MFSD11: variants seen among roughly 807,000 people sequenced by gnomAD.
The protein encoded by MFSD11 is UNC93-like protein MFSD11.
Under a neutral mutation model 53.5 loss-of-function variants are expected in MFSD11, and 36 were observed. The observed-to-expected ratio is 0.67, with a 90% CI of 0.52 to 0.89. The LOEUF (loss-of-function observed/expected upper bound fraction) is 0.89, where lower values mean the gene tolerates loss of function less well. MFSD11 is among the 40% of genes least tolerant of loss of function. The pLI is 0.00. For missense variants in MFSD11, 530 were observed against 543.9 expected (o/e 0.97, Z 0.25); for synonymous variants, 186 against 184.9 (o/e 1.01, Z -0.05).
chr17:76,744,261 G>A (rs371871709), intron 6 of MFSD11, 61 bp from the exon 7 acceptor site: 207 of 1,521,302 alleles, frequency 1.4e-4, no homozygotes, highest in African/African-American at 5.6e-4. Flanking sequence ...CCCTTGTACC[G>A]TGATACTAAT....
At chr17:76,744,171 A>G (rs1261814320) in intron 6 of MFSD11, 151 bp from the exon 7 acceptor site, 1 of 637,116 alleles carries the variant, frequency 1.6e-6, no homozygotes, top group Non-Finnish European at 2.5e-6. Context: ...AAGGTATCCT[A>G]TTTGTCTCCT....
At chr17:76,767,361 T>C (rs1315374184) in intron 8 of MFSD11, 25 bp from the exon 9 acceptor site, 1 of 1,413,234 alleles carries the variant, frequency 7.1e-7, no homozygotes, top group East Asian at 2.3e-5. Flanking sequence ...TCTAATTAAG[T>C]ACTCTTAAAT....
At chr17:76,763,503 A>T (rs1488920511) in intron 8 of MFSD11, among the ~76,000 whole-genome samples, 1 of 151,918 alleles carries the variant, frequency 6.6e-6, no homozygotes, top group Non-Finnish European at 1.5e-5. Flanking sequence ...ATCTCAAGTG[A>T]TCCACCCGCC....
rs374039616 is a variant in MFSD11, at chr17:76,738,335, C to A, written c.-18C>A. The A allele has an allele frequency of 6.3e-7, 1 of 1,590,934 alleles. No individual in the cohort carries two copies. ...GCTGACTGCCCTGGGCTGCTGCCTC[C>A]GGCAGAGCTGAGCCAAAATGTCCCC... is the stretch of plus-strand genomic sequence containing the variant. On this transcript the variant is annotated 5_prime_UTR_variant, in exon 1 of 13. Transcript: ENST00000685175.
chr17:76,786,076 A>C (rs2082270212), downstream of MFSD11, among the ~76,000 whole-genome samples: 1 of 121,744 alleles, frequency 8.2e-6, no homozygotes, highest in African/African-American at 5.5e-5. Context: ...CTCCATCTCA[A>C]AAAAAAAAAA....
intron 8 of MFSD11, among the ~76,000 whole-genome samples, chr17:76,756,071 G>A (rs1160464836): frequency 6.7e-6 from 1 of 149,736 alleles, no homozygotes; most frequent in Non-Finnish European, 1.5e-5. Context: ...TGATCCACCC[G>A]CCTTGGCCTC....
intron 9 of MFSD11, 25 bp from the exon 10 acceptor site, chr17:76,769,721 A>G (rs2081217837): frequency 6.4e-7 from 1 of 1,555,148 alleles, no homozygotes; most frequent in African/African-American, 1.4e-5. Context: ...TATAAATGAC[A>G]TCTGTTTTTT....
intron 9 of MFSD11, chr17:76,769,077 G>A (rs1299402632): frequency 1.3e-5 from 2 of 151,842 alleles, no homozygotes; most frequent in South Asian, 2.1e-4. Flanking sequence ...ACAAAGTTAT[G>A]TTAATTATCA....
chr17:76,744,109 G>A (rs185919814), intron 6 of MFSD11, among the ~76,000 whole-genome samples: 136 of 152,280 alleles, frequency 8.9e-4, no homozygotes, highest in Non-Finnish European at 1.7e-3. Flanking sequence ...TTAAGCCCTT[G>A]TGCTGTTTTT....
chr17:76,774,964 C>T (rs2081682176), intron 10 of MFSD11, 33 bp from the exon 11 acceptor site: 1 of 1,601,066 alleles, frequency 6.2e-7, no homozygotes. Context: ...GTTTCGGCAA[C>T]ATTAGTGACG....
chr17:76,737,017 G>A (rs237057), upstream of MFSD11: 1,463,153 of 1,613,358 alleles, frequency 0.91, 670,295 homozygotes, highest in Non-Finnish European at 0.93. Context: ...TGGTGTAGCG[G>A]TCCCGCGGGA....
intron 8 of MFSD11, among the ~76,000 whole-genome samples, chr17:76,757,118 G>C (rs2079730373): frequency 6.6e-6 from 1 of 152,118 alleles, no homozygotes; most frequent in Non-Finnish European, 1.5e-5. Context: ...TGGTGAAGCT[G>C]CTCCATCATA....
chr17:76,743,513 A>G, intron 6 of MFSD11, 57 bp downstream of exon 6: 3 of 1,081,694 alleles, frequency 2.8e-6, no homozygotes, highest in Middle Eastern at 2.1e-4. Flanking sequence ...TAGGAGTTAT[A>G]TAGAAATACC....
chr17:76,753,947 T>C, intron 7 of MFSD11, 100 bp from the exon 8 acceptor site: 1 of 981,482 alleles, frequency 1.0e-6, no homozygotes, highest in South Asian at 1.5e-5. Context: ...AGACCTGGTA[T>C]AGGACAGGGT....
At chr17:76,751,392 GAAAA>G (rs920791197) in intron 7 of MFSD11, among the ~76,000 whole-genome samples, 1 of 143,212 alleles carries the variant, frequency 7.0e-6, no homozygotes, top group Non-Finnish European at 1.5e-5. Flanking sequence ...ATTGTCTTAA[GAAAA>G]AAAAAAATCT....
chr17:76,743,626 A>G (rs1043743703), intron 6 of MFSD11, among the ~76,000 whole-genome samples, 170 bp downstream of exon 6: 1 of 151,940 alleles, frequency 6.6e-6, no homozygotes, highest in East Asian at 1.9e-4. Context: ...TATTATTATT[A>G]TTATTTTGAG....
chr17:76,802,502 T>G, the MFSD11 span, among the ~76,000 whole-genome samples: 2 of 152,216 alleles, frequency 1.3e-5, no homozygotes, highest in Non-Finnish European at 2.9e-5. Context: ...ACTTGAGTGT[T>G]CCGAGCAGCG....
At chr17:76,777,186 T>G (rs2081920426) in intron 12 of MFSD11, among the ~76,000 whole-genome samples, 1 of 148,900 alleles carries the variant, frequency 6.7e-6, no homozygotes, top group Non-Finnish European at 1.5e-5. Flanking sequence ...GAGAATGGTG[T>G]GAACCCGGGA....
chr17:76,799,942 CTT>C, the MFSD11 span, among the ~76,000 whole-genome samples: 1 of 143,772 alleles, frequency 7.0e-6, no homozygotes, highest in Non-Finnish European at 1.5e-5. Context: ...CTCTTTTTTT[CTT>C]TTTCTTTTTC....
Sources: allele counts gnomAD v4.1 joint callset (sites outside exome capture counted in the v4.1 genomes callset), GRCh38; gene constraint gnomAD v4.1.1; transcripts MANE v1.5; gene names NCBI Gene and HGNC (gene_info 2026-07-23, HGNC 2026-07-21).